GPN3: variants seen among roughly 807,000 people sequenced by gnomAD.
The protein encoded by GPN3 is GPN-loop GTPase 3, also known as ATP-binding domain 1 family member C.
A neutral mutation model predicts 38.7 loss-of-function variants in GPN3; 31 were observed. The observed-to-expected ratio is 0.80, with a 90% confidence interval of 0.60 to 1.08. The LOEUF is 1.08. Among genes scored for constraint, GPN3 ranks in the 50% least tolerant of loss-of-function variants. GPN3 has a pLI of 0.00. For synonymous variants in GPN3, 116 were observed against 120.2 expected, an observed-to-expected ratio of 0.96 and a Z score of 0.23; for missense variants, 301 against 354.4, an observed-to-expected ratio of 0.85 and a Z score of 1.21.
intron 2 of GPN3, 75 bp from the exon 3 acceptor site, chr12:110,459,937 A>G (rs892405306): frequency 9.8e-6 from 12 of 1,226,018 alleles, no homozygotes; most frequent in South Asian, 1.4e-5. Flanking sequence ...ATAGAACATA[A>G]AAGTTAATAA....
chr12:110,458,893 T>C lies in GPN3; in HGVS notation c.325+802A>G, dbSNP rs1465702059. The stretch of plus-strand genomic sequence containing the variant: ...ATGACAATTGCCTCTTTGTTTATTA[T>C]GCTCCAGCCACACTGGCCTTTTCAG... On this transcript the variant is annotated intron_variant, in intron 3 of 7. Transcript: ENST00000228827. The surrounding 1 kb of genome is among the most constrained non-coding windows in gnomAD (Gnocchi z 4.4). 6.6e-6 allele frequency among the ~76,000 whole-genome samples: 1 copy of C among 152,206 alleles called. No homozygotes were observed. The highest frequency in any genetic ancestry group is 1.9e-4 in the East Asian group (1 of 5,200).
At chr12:110,460,857 C>T (rs563690281) in intron 2 of GPN3, 32 of 617,976 alleles carry the variant, frequency 5.2e-5, no homozygotes, top group Non-Finnish European at 7.8e-5. Flanking sequence ...CTAGCCACTC[C>T]GGAGGCTGAG....
chr12:110,459,716 AGTC>A lies in GPN3; in HGVS notation c.301_303del (p.Asp101del), dbSNP rs1381546243. The A allele has an allele frequency of 6.2e-7, 1 of 1,612,238 alleles. No individual in the cohort carries two copies. Among genetic ancestry groups the A allele is most frequent in the East Asian group, 2.2e-5 (1 of 44,878 alleles). The stretch of plus-strand genomic sequence containing the variant: ...TCACCTGGACAATCAAAAAGGATAT[AGTC>A]GTCCTCTACATGGCCAAGACAGTTC... On this transcript the variant is annotated inframe_deletion, in exon 3 of 8. Coordinates refer to ENST00000228827, the MANE Select transcript of GPN3 (RefSeq NM_016301.4).
At chr12:110,466,702 C>T (rs754669566) in intron 1 of GPN3, among the ~76,000 whole-genome samples, 1 of 152,036 alleles carries the variant, frequency 6.6e-6, no homozygotes, top group Non-Finnish European at 1.5e-5. Context: ...CACCATGGTG[C>T]CCAGGCTGAC....
At chr12:110,456,085 T>C (rs1049623145) in intron 4 of GPN3, among the ~76,000 whole-genome samples, 155 bp from the exon 5 acceptor site, 4 of 152,118 alleles carry the variant, frequency 2.6e-5, no homozygotes, top group African/African-American at 9.6e-5. Context: ...ATCCCAACAC[T>C]TGGGGAGGCT....
At chr12:110,454,186 A>G (rs2062533789) in intron 6 of GPN3, among the ~76,000 whole-genome samples, 2 of 152,202 alleles carry the variant, frequency 1.3e-5, no homozygotes, top group South Asian at 2.1e-4. Flanking sequence ...GCTTGAAATA[A>G]TAAGATGTTA....
At chr12:110,455,237 T>C (rs957273881) in intron 6 of GPN3, among the ~76,000 whole-genome samples, 1 of 151,830 alleles carries the variant, frequency 6.6e-6, no homozygotes, top group African/African-American at 2.4e-5. Flanking sequence ...GATTCTCCTG[T>C]CTCAGGCTCC....
At chr12:110,456,855 G>A (rs1394710909) in intron 4 of GPN3, among the ~76,000 whole-genome samples, 2 of 151,800 alleles carry the variant, frequency 1.3e-5, no homozygotes, top group Admixed American at 6.6e-5. Flanking sequence ...GTGCCACAAC[G>A]TCTAGCTAAT....
intron 1 of GPN3, among the ~76,000 whole-genome samples, chr12:110,466,220 C>CTT (rs2062626371): frequency 1.3e-5 from 2 of 152,192 alleles, no homozygotes; most frequent in Admixed American, 1.3e-4. Context: ...TTCTAATTGA[C>CTT]TTATTATGTT....
chr12:110,458,003 G>A lies in GPN3; in HGVS notation c.326-369C>T, dbSNP rs1301401652. Among the ~76,000 whole-genome samples the A allele has an allele frequency of 2.0e-5, 3 of 151,956 alleles. No homozygotes were observed. Among genetic ancestry groups the A allele is most frequent in the African/African-American group, 7.2e-5 (3 of 41,380 alleles). ...AAATTAGCCAGGCGTGGTGGTGCGC[G>A]CCTGTGGGATGCTGAGGCACAAGAA... On this transcript the variant is annotated intron_variant, in intron 3 of 7. Coordinates refer to ENST00000228827, the MANE Select transcript of GPN3 (RefSeq NM_016301.4). The surrounding 1 kb of genome is among the most constrained non-coding windows in gnomAD (Gnocchi z 4.4).
intron 2 of GPN3, among the ~76,000 whole-genome samples, chr12:110,463,503 C>T (rs1181651319): frequency 6.8e-6 from 1 of 147,378 alleles, no homozygotes; most frequent in East Asian, 2.1e-4. Context: ...GATGCAGTGG[C>T]TCACGCCTCT....
intron 2 of GPN3, among the ~76,000 whole-genome samples, chr12:110,460,746 C>T (rs2062580884): frequency 6.6e-6 from 1 of 152,162 alleles, no homozygotes; most frequent in Non-Finnish European, 1.5e-5. Flanking sequence ...GTGGGGGGAT[C>T]ATGAGATCAG....
intron 2 of GPN3, among the ~76,000 whole-genome samples, chr12:110,461,678 A>G (rs2062591072): frequency 6.6e-6 from 1 of 152,110 alleles, no homozygotes; most frequent in Admixed American, 6.6e-5. Context: ...ATCAGTATAT[A>G]GAATCTTCTA....
chr12:110,454,540 C>A lies in GPN3; in HGVS notation c.664-669G>T, dbSNP rs534795216. ...GCTAATTTTGTATTTTTAGTACAGA[C>A]GGGGTTTCACCATGTTGGTCAGCCT... On this transcript the variant is annotated intron_variant, in intron 6 of 7. Coordinates refer to ENST00000228827, the MANE Select transcript of GPN3 (RefSeq NM_016301.4). Among the ~76,000 whole-genome samples the A allele has an allele frequency of 3.9e-5, 6 of 151,900 alleles. No individual in the cohort carries two copies. In the South Asian group the frequency reaches 8.3e-4, roughly 21 times the overall value.
chr12:110,459,625 T>C, intron 3 of GPN3, 70 bp downstream of exon 3: 1 of 1,018,978 alleles, frequency 9.8e-7, no homozygotes, highest in Non-Finnish European at 1.5e-6. Context: ...ATACTCACTC[T>C]CCTTTCTCCT....
chr12:110,453,074 G>A lies in GPN3; in HGVS notation c.815C>T (p.Ser272Phe). The change falls in exon 8 of 8, where the codon TCT becomes TTT. Residue 272 changes from serine (S) to phenylalanine (F), a missense_variant. Ser to Phe is a radical substitution (Grantham distance 155). Transcript: ENST00000228827. ...TTCTTGAAAATATTCGTCAAACATA[G>A]AGGAAGACTCATCTTCACGTTCCTG... ...EPKEREDESS[S>F]MFDEYFQECQ... 6.8e-7 allele frequency: 1 copy of A among 1,462,502 alleles called. No individual in the cohort carries two copies. The highest frequency in any genetic ancestry group is 9.6e-7 in the Non-Finnish European group (1 of 1,044,856). The allele number at this position is 1,462,502 out of a possible 1,614,324, so 90.6% of individuals were successfully genotyped here. A position where few individuals can be genotyped will look rare whatever the true frequency, so the allele number is the denominator to read the frequency against.
Position 110,453,030 on chromosome 12 carries a change from C to T in GPN3, c.*4G>A. 2 of 1,281,834 alleles carry T rather than the reference C, an allele frequency of 1.6e-6. No individual in the cohort carries two copies. The highest frequency in any genetic ancestry group is 2.3e-6 in the Non-Finnish European group (2 of 876,510). The allele number at this position is 1,281,834 out of a possible 1,614,324, so 79.4% of individuals were successfully genotyped here. A position where few individuals can be genotyped will look rare whatever the true frequency, so the allele number is the denominator to read the frequency against. ...TCTTTAGATGGTTACTTTTAGTAAA[C>T]TCTTCATTCATCCTGGCATTCTTGA... On this transcript the variant is annotated 3_prime_UTR_variant, in exon 8 of 8. Transcript: ENST00000228827.
At chr12:110,454,544 G>T (rs1398337448) in intron 6 of GPN3, among the ~76,000 whole-genome samples, 4 of 151,908 alleles carry the variant, frequency 2.6e-5, no homozygotes, top group African/African-American at 9.7e-5. Flanking sequence ...TACAGACGGG[G>T]TTTCACCATG....
intron 2 of GPN3, chr12:110,461,432 A>C: frequency 1.7e-6 from 1 of 582,816 alleles, no homozygotes; most frequent in Non-Finnish European, 3.0e-6. Context: ...TCAAACAAAA[A>C]CAAACAAAAA....
Sources: gnomAD v4.1 joint callset for allele counts (sites outside exome capture counted in the v4.1 genomes callset) on GRCh38, gnomAD v4.1.1 for gene constraint, Gnocchi (gnomAD v3.1) non-coding constraint, MANE v1.5 for transcripts, NCBI Gene and HGNC (gene_info 2026-07-23, HGNC 2026-07-21) for gene names.